AVIL: variants seen among roughly 807,000 people sequenced by gnomAD.
AVIL encodes the protein advillin.
AVIL carries 78 observed loss-of-function variants against 109.9 expected under a neutral mutation model. That is an observed-to-expected ratio of 0.71 (90% CI 0.59 to 0.86). The LOEUF (loss-of-function observed/expected upper bound fraction) is 0.86, where lower values mean the gene tolerates loss of function less well. Among genes scored for constraint, AVIL ranks in the 40% least tolerant of loss-of-function variants. The pLI is 0.00. For synonymous variants in AVIL, 367 were observed against 379.1 expected, an observed-to-expected ratio of 0.97 and a Z score of 0.37; for missense variants, 892 against 1,016.5, an observed-to-expected ratio of 0.88 and a Z score of 1.67.
Position 57,814,149 on chromosome 12 carries a change from C to A in AVIL, c.141+3G>T, listed in dbSNP as rs202052863. 119 of 1,612,764 alleles carry A rather than the reference C, an allele frequency of 7.4e-5. No individual in the cohort carries two copies. In the African/African-American group the frequency reaches 1.4e-3, roughly 20 times the overall value. ...TCACAGGAGTGGGGAGGAGGGTGCT[C>A]ACCGAGAGGATGACGTAGCAGTCCC... is the stretch of plus-strand genomic sequence containing the variant. On this transcript the variant is annotated splice_donor_region_variant and intron_variant, in intron 3 of 19. Coordinates refer to ENST00000549994, the MANE Select transcript of AVIL (RefSeq NM_006576.4).
intron 4 of AVIL, among the ~76,000 whole-genome samples, chr12:57,812,683 A>G (rs1353027416): frequency 6.6e-6 from 1 of 151,506 alleles, no homozygotes; most frequent in East Asian, 2.0e-4. Context: ...TTAAAACAGA[A>G]ATTGGCATTC....
At chr12:57,801,392 A>T in intron 17 of AVIL, 180 bp from the exon 18 acceptor site, 1 of 503,490 alleles carries the variant, frequency 2.0e-6, no homozygotes, top group Non-Finnish European at 3.6e-6. Context: ...GTGCTTAAAC[A>T]TAACGCACAT....
chr12:57,810,641 A>C (rs993179952), intron 6 of AVIL, 90 bp from the exon 7 acceptor site: 1 of 1,487,264 alleles, frequency 6.7e-7, no homozygotes, highest in African/African-American at 1.4e-5. Context: ...TCCCAGACAC[A>C]GGAGTTACTT....
At chr12:57,802,502 T>C in intron 16 of AVIL, 154 bp from the exon 17 acceptor site, 1 of 909,946 alleles carries the variant, frequency 1.1e-6, no homozygotes, top group East Asian at 2.6e-5. Flanking sequence ...GAGAAAGGTT[T>C]TCCCAGAATC....
chr12:57,818,586 C>G (rs1956124650), intron 1 of AVIL, 43 bp downstream of exon 1: 1 of 152,188 alleles, frequency 6.6e-6, no homozygotes, highest in African/African-American at 2.4e-5. Flanking sequence ...CTTCCTCATT[C>G]AGGAGGATTA....
chr12:57,814,306 T>G, intron 2 of AVIL, 80 bp from the exon 3 acceptor site: 1 of 1,386,264 alleles, frequency 7.2e-7, no homozygotes, highest in South Asian at 1.2e-5. Flanking sequence ...TCTCTGTCAT[T>G]CGGTGCAGGT....
intron 14 of AVIL, among the ~76,000 whole-genome samples, chr12:57,805,472 T>C (rs1955928333): frequency 1.3e-5 from 2 of 152,210 alleles, no homozygotes; most frequent in Admixed American, 6.5e-5. Flanking sequence ...GATTGACTTA[T>C]CCAGCCTCCA....
At chr12:57,802,494 G>C in intron 16 of AVIL, 146 bp from the exon 17 acceptor site, 1 of 976,202 alleles carries the variant, frequency 1.0e-6, no homozygotes, top group Admixed American at 2.0e-5. Flanking sequence ...GTTCAGCAGA[G>C]AAAGGTTTTC....
At chr12:57,817,503 C>T (rs1224767019) in intron 1 of AVIL, among the ~76,000 whole-genome samples, 1 of 151,878 alleles carries the variant, frequency 6.6e-6, no homozygotes, top group Non-Finnish European at 1.5e-5. Context: ...TGCTGCCCCA[C>T]CCTGTGCTGC....
Position 57,809,589 on chromosome 12 carries a change from G to C in AVIL, c.939+8C>G. On this transcript the variant is annotated splice_region_variant and intron_variant, in intron 9 of 19. Transcript: ENST00000549994. The stretch of plus-strand genomic sequence containing the variant: ...ATTTGAACAGTATTGCACATCTGTA[G>C]CTCCTACCAGCGCTTTAGACATGGC... 1 of 1,614,104 alleles carries C rather than the reference G, an allele frequency of 6.2e-7. No homozygotes were observed. The highest frequency in any genetic ancestry group is 8.5e-7 in the Non-Finnish European group (1 of 1,179,934).
chr12:57,810,304 C>T (rs1048920136), intron 7 of AVIL, 45 bp downstream of exon 7: 1 of 1,571,580 alleles, frequency 6.4e-7, no homozygotes, highest in East Asian at 2.2e-5. Flanking sequence ...GGGACACCTT[C>T]CCCCCAACCC....
rs762173269 is a variant in AVIL, at chr12:57,809,903, A to G, written c.762-13T>C. The G allele has an allele frequency of 5.6e-6, 9 of 1,613,548 alleles. No homozygotes were observed. The Admixed American group carries it at 1.0e-4, about 18-fold the overall frequency. The stretch of plus-strand genomic sequence containing the variant: ...TGAATCTGAGATACTGGAGAAGGGG[A>G]GAGGTTAGCCTGTGCCTTTTCCTCT... On this transcript the variant is annotated splice_polypyrimidine_tract_variant and intron_variant, in intron 7 of 19. Coordinates refer to ENST00000549994, the MANE Select transcript of AVIL (RefSeq NM_006576.4).
Position 57,808,378 on chromosome 12 carries a change from T to A in AVIL, c.1093+17A>T. On this transcript the variant is annotated intron_variant, in intron 10 of 19. Coordinates refer to ENST00000549994, the MANE Select transcript of AVIL (RefSeq NM_006576.4). ...TAGAGTCTTAGCAATGAGAGGATGA[T>A]CTGGGGGCAGTCTCACCAATTTTAC... 1 of 1,614,156 alleles carries A rather than the reference T, an allele frequency of 6.2e-7. No homozygotes were observed. Among genetic ancestry groups the A allele is most frequent in the Non-Finnish European group, 8.5e-7 (1 of 1,179,986 alleles).
Position 57,797,476 on chromosome 12 carries a change from C to A in AVIL, c.*406G>T. The stretch of plus-strand genomic sequence containing the variant: ...TGCCTATGGAGTGCATATATGATTT[C>A]AATGATTTACAGGCTAAATAGATTT... On this transcript the variant is annotated 3_prime_UTR_variant, in exon 20 of 20. Transcript: ENST00000549994. The A allele has an allele frequency of 1.0e-6, 1 of 982,820 alleles. No homozygotes were observed. The highest frequency in any genetic ancestry group is 1.2e-6 in the Non-Finnish European group (1 of 827,552). The allele number at this position is 982,820 out of a possible 1,614,324, so 60.9% of individuals were successfully genotyped here.
rs543015033 is a variant in AVIL at position 57,803,607 on chromosome 12, G to A, written c.1734C>T (p.Ser578=). Residue 578 remains serine (S), a synonymous_variant, in exon 15 of 20, where the codon AGC becomes AGT. Transcript: ENST00000549994. ...KELASLLCDG[S]ENTVAEGQEP... ...CCTGGCCCTCGGCCACAGTGTTCTC[G>A]CTGCCATCACAGAGAAGGCTGGCCA... 58 of 1,614,100 alleles carry A rather than the reference G, an allele frequency of 3.6e-5. No individual in the cohort carries two copies. The highest frequency in any genetic ancestry group is 3.3e-4 in the Middle Eastern group (2 of 6,062).
Position 57,803,532 on chromosome 12 carries a change from A to T in AVIL, c.1809T>A (p.Asn603Lys), listed in dbSNP as rs747157972. The T allele has an allele frequency of 6.2e-7, 1 of 1,614,168 alleles. No individual in the cohort carries two copies. The highest frequency in any genetic ancestry group is 1.1e-5 in the South Asian group (1 of 91,084). Residue 603 changes from asparagine to lysine, a missense_variant, in exon 15 of 20, where the codon AAT (asparagine) becomes AAA (lysine). Physicochemically the swap from Asn to Lys is moderately conservative, Grantham distance 94 (BLOSUM62 0). Coordinates refer to ENST00000549994, the MANE Select transcript of AVIL (RefSeq NM_006576.4). The stretch of plus-strand genomic sequence containing the variant: ...AGGCTGTGTTCCCATACCTTTTATC[A>T]TTGGCATAGGGAGTTTTCCCTCCCA... ...DLLGGKTPYA[N>K]DKRLQQEILD...
In AVIL at chr12:57,807,485, C is replaced by A. The variant is rs1334894971; in HGVS notation, c.1337G>T (p.Arg446Leu). ...TGCCAGCTCATCCTGTGAGGCGTGG[C>A]GGCCCTGCAATGGTGAGAGGCCATG... Reference protein sequence around the residue: ...PHHILYIWQGRHASQDELAAS... With the variant: ...PHHILYIWQGLHASQDELAAS... The change falls in exon 13 of 20, where the codon CGC (arginine) becomes CTC (leucine). Residue 446 changes from arginine (R) to leucine (L), a missense_variant. Arg to Leu is a moderately radical substitution (Grantham distance 102). Coordinates refer to ENST00000549994, the MANE Select transcript of AVIL (RefSeq NM_006576.4). 1.2e-6 allele frequency: 2 copies of A among 1,614,130 alleles called. No homozygotes were observed.
intron 16 of AVIL, 32 bp from the exon 17 acceptor site, chr12:57,802,380 G>A (rs1238124360): frequency 2.5e-6 from 4 of 1,575,786 alleles, no homozygotes; most frequent in Non-Finnish European, 3.5e-6. Context: ...ATATGTTACT[G>A]TGTTCATACC....
At chr12:57,815,875 G>A (rs1480137810) in intron 2 of AVIL, 100 bp downstream of exon 2, 3 of 1,583,440 alleles carry the variant, frequency 1.9e-6, no homozygotes, top group Non-Finnish European at 2.6e-6. Flanking sequence ...TCAAACCATA[G>A]GCTAAGGGGT....
Sources: gnomAD v4.1 joint callset for allele counts (sites outside exome capture counted in the v4.1 genomes callset) on GRCh38, gnomAD v4.1.1 for gene constraint, MANE v1.5 for transcripts, NCBI Gene and HGNC (gene_info 2026-07-23, HGNC 2026-07-21) for gene names.